The following RANGAP1 variants were observed in gnomAD, a reference collection of about 807,000 sequenced individuals.
RANGAP1 encodes Ran GTPase activating protein 1.
RANGAP1 carries 38 observed loss-of-function variants against 63.5 expected under a neutral mutation model. The observed-to-expected ratio is 0.60, with a 90% confidence interval of 0.46 to 0.78. The LOEUF (loss-of-function observed/expected upper bound fraction) is 0.78, where lower values mean the gene tolerates loss of function less well. Among genes scored for constraint, RANGAP1 ranks in the 30% least tolerant of loss-of-function variants. The probability of loss-of-function intolerance (pLI) is 0.00; values close to 1 mark genes in which losing one functional copy is unlikely to be tolerated. For missense variants in RANGAP1, 630 were observed against 740.3 expected (o/e 0.85, Z 1.73); for synonymous variants, 329 against 310.5 (o/e 1.06, Z -0.63).
chr22:41,297,512 C>G, the RANGAP1 span, among the ~76,000 whole-genome samples: 130 of 142,314 alleles, frequency 9.1e-4, no homozygotes, highest in African/African-American at 3.2e-3. Context: ...GGGTACAGTA[C>G]TTTTTTTTTT....
At chr22:41,256,890 G>C in intron 7 of RANGAP1, 66 bp from the exon 8 acceptor site, 1 of 1,344,184 alleles carries the variant, frequency 7.4e-7, no homozygotes, top group Non-Finnish European at 1.0e-6. Context: ...AGCAAGCCCC[G>C]GGGGCCCCAC....
intron 6 of RANGAP1, among the ~76,000 whole-genome samples, chr22:41,258,580 G>A (rs2145727582): frequency 6.6e-6 from 1 of 152,336 alleles, no homozygotes; most frequent in East Asian, 1.9e-4. Context: ...GGTGTTCCCT[G>A]GCCCATGCAG....
intron 11 of RANGAP1, 32 bp from the exon 12 acceptor site, chr22:41,253,023 A>G: frequency 7.1e-7 from 1 of 1,411,230 alleles, no homozygotes; most frequent in South Asian, 1.6e-5. Context: ...GCTCTGGAGA[A>G]TTCCGGACCC....
At chr22:41,298,043 A>G in the RANGAP1 span, among the ~76,000 whole-genome samples, 12 of 151,966 alleles carry the variant, frequency 7.9e-5, no homozygotes, top group African/African-American at 2.9e-4. Flanking sequence ...TTTTTAGTAG[A>G]GACAAGGTTT....
chr22:41,272,752 G>A (rs2034912915), intron 3 of RANGAP1, among the ~76,000 whole-genome samples: 1 of 152,040 alleles, frequency 6.6e-6, no homozygotes, highest in African/African-American at 2.4e-5. Context: ...TTGACCTTGT[G>A]ATCTGCCCGC....
At position 41,249,772 on chromosome 22, in the gene RANGAP1, T is replaced by C; in HGVS notation, c.1529A>G (p.Asn510Ser). ...CACGAGCAGCCTGGTGAGGAAGGTG[T>C]TGGAGTTGAAGGACGAGGAGTTGAA... ...KAFNSSSFNS[N>S]TFLTRLLVHM... Residue 510 changes from asparagine (N) to serine (S), a missense_variant, in exon 14 of 16, where the codon AAC becomes AGC. Asn to Ser is a conservative substitution (Grantham distance 46). Transcript: ENST00000356244. 1.9e-6 allele frequency: 3 copies of C among 1,614,006 alleles called. No individual in the cohort carries two copies. Among genetic ancestry groups the C allele is most frequent in the East Asian group, 2.2e-5 (1 of 44,878 alleles).
chr22:41,254,196 T>A lies in RANGAP1; in HGVS notation c.1260+112A>T, dbSNP rs1264573748. The A allele has an allele frequency of 7.9e-6, 9 of 1,144,890 alleles. No individual in the cohort carries two copies. The African/African-American group carries it at 9.5e-5, about 12-fold the overall frequency. 70.9% of individuals were successfully genotyped at this position (1,144,890 alleles called of 1,614,324 possible). A position where few individuals can be genotyped will look rare whatever the true frequency, so the allele number is the denominator to read the frequency against. On this transcript the variant is annotated intron_variant, in intron 11 of 15. Transcript: ENST00000356244. Reference sequence around the variant, plus strand: ...TCAATATCATGCAATCAAAAAAAAATGTTTGTGGCTACTGTGCTTAAGGAG... The same window carrying A: ...TCAATATCATGCAATCAAAAAAAAAAGTTTGTGGCTACTGTGCTTAAGGAG...
intron 2 of RANGAP1, among the ~76,000 whole-genome samples, chr22:41,276,686 A>T (rs2035165011): frequency 6.6e-6 from 1 of 152,034 alleles, no homozygotes. Flanking sequence ...CAGGAAAAAA[A>T]AAAAGACTAG....
chr22:41,252,567 C>T (rs1420956768), intron 12 of RANGAP1, among the ~76,000 whole-genome samples: 1 of 152,112 alleles, frequency 6.6e-6, no homozygotes, highest in Non-Finnish European at 1.5e-5. Flanking sequence ...TGACGGAACA[C>T]GCAGAGAGAA....
chr22:41,276,748 C>G (rs1410851177), intron 2 of RANGAP1, among the ~76,000 whole-genome samples: 3 of 151,696 alleles, frequency 2.0e-5, no homozygotes, highest in Non-Finnish European at 4.4e-5. Context: ...GAGGCCAAGG[C>G]GGGCGGATCG....
chr22:41,294,737 G>C, the RANGAP1 span, among the ~76,000 whole-genome samples: 1 of 137,094 alleles, frequency 7.3e-6, no homozygotes, highest in Admixed American at 7.4e-5. Context: ...GTCTCTGCCC[G>C]GCCGCCCCAT....
intron 5 of RANGAP1, among the ~76,000 whole-genome samples, chr22:41,263,902 T>A (rs2034312296): frequency 6.6e-6 from 1 of 152,236 alleles, no homozygotes; most frequent in Admixed American, 6.5e-5. Flanking sequence ...ACCCCATCTC[T>A]CTAAGCCTAT....
chr22:41,288,598 T>G (rs1170259583), upstream of RANGAP1, among the ~76,000 whole-genome samples: 3 of 152,174 alleles, frequency 2.0e-5, no homozygotes, highest in Non-Finnish European at 2.9e-5. Flanking sequence ...TCTTGAGACT[T>G]TCCTTGGCCC....
intron 6 of RANGAP1, 78 bp from the exon 7 acceptor site, chr22:41,258,184 A>G (rs2033958902): frequency 6.7e-7 from 1 of 1,483,402 alleles, no homozygotes; most frequent in East Asian, 2.4e-5. Context: ...AATTCCACAC[A>G]GCAGGCACAG....
At chr22:41,247,209 C>T (rs2033105125) in intron 15 of RANGAP1, among the ~76,000 whole-genome samples, 1 of 152,132 alleles carries the variant, frequency 6.6e-6, no homozygotes. Flanking sequence ...ACGCCCACCA[C>T]CATGCCCAGC....
chr22:41,258,836 T>C (rs1461209079), intron 6 of RANGAP1, among the ~76,000 whole-genome samples: 3 of 152,134 alleles, frequency 2.0e-5, no homozygotes, highest in Non-Finnish European at 2.9e-5. Flanking sequence ...GTATTTTTAG[T>C]AGAGATGGAG....
chr22:41,296,226 G>T, the RANGAP1 span, among the ~76,000 whole-genome samples: 1 of 151,794 alleles, frequency 6.6e-6, no homozygotes, highest in African/African-American at 2.4e-5. Flanking sequence ...TCAAAATTAG[G>T]TAACAAAAGT....
intron 10 of RANGAP1, among the ~76,000 whole-genome samples, chr22:41,255,664 G>A (rs1483546037): frequency 1.3e-5 from 2 of 151,800 alleles, no homozygotes; most frequent in South Asian, 4.2e-4. Flanking sequence ...TCTGTTGAAC[G>A]GACAACTCAT....
the RANGAP1 span, among the ~76,000 whole-genome samples, chr22:41,293,463 T>C: frequency 6.6e-6 from 1 of 151,960 alleles, no homozygotes; most frequent in Non-Finnish European, 1.5e-5. Context: ...ATCTGTTTAG[T>C]ATAAATGCAA....
Sources: allele counts gnomAD v4.1 joint callset (sites outside exome capture counted in the v4.1 genomes callset), GRCh38; gene constraint gnomAD v4.1.1; transcripts MANE v1.5; gene names NCBI Gene and HGNC (gene_info 2026-07-23, HGNC 2026-07-21).